PSORS1C1: variants seen among roughly 807,000 people sequenced by gnomAD.
The protein encoded by PSORS1C1 is psoriasis susceptibility 1 candidate 1.
Under a neutral mutation model 9.4 loss-of-function variants are expected in PSORS1C1, and 7 were observed. The observed-to-expected ratio is 0.75, with a 90% CI of 0.42 to 1.40. The LOEUF (loss-of-function observed/expected upper bound fraction) is 1.40. Ranked by LOEUF, PSORS1C1 falls within the 40% of genes most tolerant of loss-of-function variation. PSORS1C1 has a pLI of 0.01. For synonymous variants in PSORS1C1, 63 were observed against 69.4 expected, an observed-to-expected ratio of 0.91 and a Z score of 0.46; for missense variants, 146 against 178.1, an observed-to-expected ratio of 0.82 and a Z score of 1.02.
chr6:31,132,802 T>C (rs1772975923), intron 3 of PSORS1C1, among the ~76,000 whole-genome samples: 1 of 151,700 alleles, frequency 6.6e-6, no homozygotes, highest in Admixed American at 6.6e-5. Flanking sequence ...TGAGTTATGA[T>C]TGTGCCACTG....
At chr6:31,134,493 G>C (rs1171103629) in intron 3 of PSORS1C1, among the ~76,000 whole-genome samples, 1 of 151,812 alleles carries the variant, frequency 6.6e-6, no homozygotes, top group African/African-American at 2.4e-5. Context: ...TTTTAGTAGA[G>C]ACTGGGTTTC....
chr6:31,116,551 G>A (rs754474060), intron 1 of PSORS1C1: 1 of 1,613,956 alleles, frequency 6.2e-7, no homozygotes. Flanking sequence ...GGGGATGATG[G>A]GGTTGCTGGA....
chr6:31,115,246 T>G lies in PSORS1C1; in HGVS notation c.-229+355T>G. 4.2e-6 allele frequency: 1 copy of G among 240,514 alleles called. No homozygotes were observed. The allele number at this position is 240,514 out of a possible 1,614,324, so 14.9% of individuals were successfully genotyped here. A position where few individuals can be genotyped will look rare whatever the true frequency, so the allele number is the denominator to read the frequency against. ...CAGACTCTCAGAGGAGACCCAGGAC[T>G]CCAAGAAGGCAAAAAGTCTGCACCT... On this transcript the variant is annotated intron_variant, in intron 1 of 5. Coordinates refer to ENST00000259881, the MANE Select transcript of PSORS1C1 (RefSeq NM_014068.3). This position sits in a 1 kb window ranked among gnomAD's most constrained non-coding sequence, Gnocchi z 4.2.
At chr6:31,116,170 C>T in intron 1 of PSORS1C1, 1 of 1,612,026 alleles carries the variant, frequency 6.2e-7, no homozygotes, top group African/African-American at 1.3e-5. Context: ...GGGCTTGGCA[C>T]CAGCGGAGGG....
At chr6:31,137,931 G>C (rs752086521) in intron 3 of PSORS1C1, 1 of 1,306,978 alleles carries the variant, frequency 7.7e-7, no homozygotes, top group South Asian at 1.7e-5. Flanking sequence ...CCTGGGAACA[G>C]AACGGCTGAG....
chr6:31,120,458 G>A lies in PSORS1C1; in HGVS notation c.-228-5218G>A, dbSNP rs1233848364. 23 of 1,497,082 alleles carry A rather than the reference G, an allele frequency of 1.5e-5. No individual in the cohort carries two copies. The Admixed American group carries it at 4.5e-4, about 29-fold the overall frequency. The allele number at this position is 1,497,082 out of a possible 1,614,324, so 92.7% of individuals were successfully genotyped here. On this transcript the variant is annotated intron_variant, in intron 1 of 5. Transcript: ENST00000259881. ...GCCTCCTGACTGATGGCAGCTCAAG[G>A]ACACCCGGGTCCTTTATGCCAGAGC...
chr6:31,119,938 A>G (rs1164842081), intron 1 of PSORS1C1, among the ~76,000 whole-genome samples: 1 of 152,074 alleles, frequency 6.6e-6, no homozygotes, highest in African/African-American at 2.4e-5. Flanking sequence ...GTTCTAATAT[A>G]TAATCCAAAT....
rs913652197 is a variant in PSORS1C1 at position 31,115,288 on chromosome 6, T to C, written c.-229+397T>C. The C allele has an allele frequency of 3.6e-5, 8 of 221,462 alleles. No homozygotes were observed. The highest frequency in any genetic ancestry group is 1.9e-4 in the African/African-American group (8 of 43,186). The allele number at this position is 221,462 out of a possible 1,614,324, so 13.7% of individuals were successfully genotyped here. On this transcript the variant is annotated intron_variant, in intron 1 of 5. Transcript: ENST00000259881. This position sits in a 1 kb window ranked among gnomAD's most constrained non-coding sequence, Gnocchi z 4.2. ...TCTGCACCTAGTCCCCACAGTTTAC[T>C]GAGCCATCTGTCCAGGATCCAGGGA...
rs751526416 is a variant in PSORS1C1, at chr6:31,116,521, G to A, written c.-229+1630G>A. 5.6e-6 allele frequency: 9 copies of A among 1,613,104 alleles called. No individual in the cohort carries two copies. The highest frequency in any genetic ancestry group is 5.3e-5 in the African/African-American group (4 of 74,908). Reference sequence around the variant, plus strand: ...CCCCACTGGCTGGAATGCAATGGCCGAGGAAGCTGCCGACTGGCTGGGGAT... The same window carrying A: ...CCCCACTGGCTGGAATGCAATGGCCAAGGAAGCTGCCGACTGGCTGGGGAT... On this transcript the variant is annotated intron_variant, in intron 1 of 5. Coordinates refer to ENST00000259881, the MANE Select transcript of PSORS1C1 (RefSeq NM_014068.3).
intron 1 of PSORS1C1, chr6:31,120,274 G>T: frequency 1.5e-6 from 2 of 1,310,842 alleles, no homozygotes; most frequent in Non-Finnish European, 2.2e-6. Context: ...CCCTTCGCTG[G>T]GTCCTCTCCC....
chr6:31,117,252 A>G, intron 1 of PSORS1C1: 4 of 1,611,304 alleles, frequency 2.5e-6, no homozygotes, highest in Non-Finnish European at 8.5e-7. Flanking sequence ...GACTAGAGCC[A>G]GATCCGGAGG....
chr6:31,122,493 C>T lies in PSORS1C1; in HGVS notation c.-228-3183C>T, dbSNP rs1772504774. On this transcript the variant is annotated intron_variant, in intron 1 of 5. Transcript: ENST00000259881. The stretch of plus-strand genomic sequence containing the variant: ...AGATACCATTTAAAGTGATGCTGCT[C>T]GGCTGGGCACGGTGGCTCACGCTTG... 2.0e-5 allele frequency among the ~76,000 whole-genome samples: 3 copies of T among 152,090 alleles called. 1 individual carries two copies. The highest frequency in any genetic ancestry group is 4.4e-5 in the Non-Finnish European group (3 of 68,022).
Position 31,125,665 on chromosome 6 carries a change from C to T in PSORS1C1, c.-228-11C>T, listed in dbSNP as rs1772648211. ...GAATACCCCCTCACTTCTGTGGCTTCTTTCCTGTAGTAGACGATCAAGGGT... is the reference window on the plus strand; with the variant it reads ...GAATACCCCCTCACTTCTGTGGCTTTTTTCCTGTAGTAGACGATCAAGGGT... On this transcript the variant is annotated splice_polypyrimidine_tract_variant and intron_variant, in intron 1 of 5. Transcript: ENST00000259881. The T allele has an allele frequency of 6.6e-6, 1 of 152,360 alleles. No homozygotes were observed. The highest frequency in any genetic ancestry group is 1.5e-5 in the Non-Finnish European group (1 of 68,160). 9.4% of individuals were successfully genotyped at this position (152,360 alleles called of 1,614,324 possible).
At position 31,115,855 on chromosome 6, in the gene PSORS1C1, T is replaced by G; in HGVS notation, c.-229+964T>G. On this transcript the variant is annotated intron_variant, in intron 1 of 5. Transcript: ENST00000259881. This position sits in a 1 kb window ranked among gnomAD's most constrained non-coding sequence, Gnocchi z 4.2. ...TTTGAGAAGAGGAAGGAGGAAGGGGTGATAAGAGAGAGTCTGCAACCTTGG... is the reference window on the plus strand; with the variant it reads ...TTTGAGAAGAGGAAGGAGGAAGGGGGGATAAGAGAGAGTCTGCAACCTTGG... 1.6e-6 allele frequency: 1 copy of G among 610,288 alleles called. No homozygotes were observed. The highest frequency in any genetic ancestry group is 3.0e-6 in the Non-Finnish European group (1 of 338,820). The allele number at this position is 610,288 out of a possible 1,614,324, so 37.8% of individuals were successfully genotyped here.
chr6:31,120,637 C>T (rs1232083681), intron 1 of PSORS1C1, among the ~76,000 whole-genome samples: 2 of 152,096 alleles, frequency 1.3e-5, no homozygotes, highest in African/African-American at 4.8e-5. Context: ...TGTGGGGTAC[C>T]CATGGCCACG....
intron 1 of PSORS1C1, among the ~76,000 whole-genome samples, chr6:31,124,000 T>C (rs1269789517): frequency 6.6e-6 from 1 of 152,018 alleles, no homozygotes; most frequent in Non-Finnish European, 1.5e-5. Flanking sequence ...TTCAGGTGTA[T>C]TTAGAACCAG....
At chr6:31,119,750 A>C (rs996544587) in intron 1 of PSORS1C1, among the ~76,000 whole-genome samples, 1 of 151,664 alleles carries the variant, frequency 6.6e-6, no homozygotes, top group Non-Finnish European at 1.5e-5. Flanking sequence ...ATACAAAAAA[A>C]AGAAAATTAG....
At chr6:31,134,415 G>T (rs1366783453) in intron 3 of PSORS1C1, among the ~76,000 whole-genome samples, 1 of 151,762 alleles carries the variant, frequency 6.6e-6, no homozygotes, top group Non-Finnish European at 1.5e-5. Context: ...CCATTCTCCT[G>T]TCTCAGCCTC....
chr6:31,135,021 G>A (rs957860082), intron 3 of PSORS1C1, among the ~76,000 whole-genome samples: 1 of 151,676 alleles, frequency 6.6e-6, no homozygotes, highest in Non-Finnish European at 1.5e-5. Context: ...TTGCCATGTT[G>A]CCTAGGCTGG....
Sources: gnomAD v4.1 joint callset for allele counts (sites outside exome capture counted in the v4.1 genomes callset) on GRCh38, gnomAD v4.1.1 for gene constraint, Gnocchi (gnomAD v3.1) non-coding constraint, MANE v1.5 for transcripts, NCBI Gene and HGNC (gene_info 2026-07-23, HGNC 2026-07-21) for gene names.